NYAP2: variants seen among roughly 807,000 people sequenced by gnomAD.
NYAP2 encodes the protein neuronal tyrosine-phosphorylated phosphoinositide-3-kinase adapter 2.
In NYAP2, 23 loss-of-function variants were observed where a neutral mutation model predicts 50.4. The ratio of observed to expected loss-of-function variants is 0.46; its 90% CI spans 0.33 to 0.65. The LOEUF (loss-of-function observed/expected upper bound fraction) is 0.65, where lower values mean the gene tolerates loss of function less well. Among genes scored for constraint, NYAP2 ranks in the 30% least tolerant of loss-of-function variants. The pLI is 0.02. For synonymous variants in NYAP2, 394 were observed against 365.2 expected, an observed-to-expected ratio of 1.08 and a Z score of -0.90; for missense variants, 885 against 861.0, an observed-to-expected ratio of 1.03 and a Z score of -0.35.
At chr2:225,588,155 A>G (rs1692420888) in intron 5 of NYAP2, among the ~76,000 whole-genome samples, 1 of 152,088 alleles carries the variant, frequency 6.6e-6, no homozygotes, top group South Asian at 2.1e-4. Context: ...CGAACTCCTG[A>G]CCTCAGGTTA....
At chr2:225,546,609 A>G (rs955973828) in intron 4 of NYAP2, among the ~76,000 whole-genome samples, 1 of 152,026 alleles carries the variant, frequency 6.6e-6, no homozygotes, top group African/African-American at 2.4e-5. Flanking sequence ...GGCCCAGGGT[A>G]AGTCCAGAAA....
intron 4 of NYAP2, among the ~76,000 whole-genome samples, chr2:225,558,488 G>T (rs2106214124): frequency 6.6e-6 from 1 of 152,220 alleles, no homozygotes; most frequent in South Asian, 2.1e-4. Flanking sequence ...AGCAGCGACT[G>T]GTCACATTCT....
At chr2:225,486,801 C>T (rs1376921241) in intron 3 of NYAP2, among the ~76,000 whole-genome samples, 1 of 152,176 alleles carries the variant, frequency 6.6e-6, no homozygotes, top group South Asian at 2.1e-4. Flanking sequence ...CCTGGGCCCT[C>T]CCCTTTGGGA....
intron 3 of NYAP2, among the ~76,000 whole-genome samples, chr2:225,512,853 C>CT (rs1187395195): frequency 8.7e-5 from 5 of 57,566 alleles, no homozygotes; most frequent in Admixed American, 2.1e-4. Context: ...TTCTTTCTTT[C>CT]TTCCTTCCTT....
chr2:225,476,214 C>A (rs1282580694), intron 3 of NYAP2, among the ~76,000 whole-genome samples: 1 of 152,086 alleles, frequency 6.6e-6, no homozygotes, highest in African/African-American at 2.4e-5. Flanking sequence ...GAGATGGAGA[C>A]CATCCTGGCT....
chr2:225,518,303 G>A (rs189786937), intron 4 of NYAP2, among the ~76,000 whole-genome samples: 208 of 151,688 alleles, frequency 1.4e-3, no homozygotes, highest in African/African-American at 4.7e-3. Context: ...GTGTAAAAAA[G>A]TTAATCCTGT....
chr2:225,626,540 G>C (rs886963385), intron 5 of NYAP2, among the ~76,000 whole-genome samples: 1 of 152,204 alleles, frequency 6.6e-6, no homozygotes. Flanking sequence ...AAGGCACTAG[G>C]TGATGTTATC....
chr2:225,587,097 T>C (rs1248949998), intron 5 of NYAP2, among the ~76,000 whole-genome samples: 1 of 152,142 alleles, frequency 6.6e-6, no homozygotes, highest in Admixed American at 6.5e-5. Flanking sequence ...AAGAACAGCA[T>C]GGGGAAAACC....
At chr2:225,419,552 CCTTAT>C (rs1695183142) in intron 3 of NYAP2, among the ~76,000 whole-genome samples, 1 of 152,068 alleles carries the variant, frequency 6.6e-6, no homozygotes, top group Admixed American at 6.6e-5. Flanking sequence ...ATAATGAGTC[CCTTAT>C]CTTAAAGTCG....
chr2:225,695,058 A>AATTTTT, the NYAP2 span, among the ~76,000 whole-genome samples: 3 of 151,828 alleles, frequency 2.0e-5, no homozygotes, highest in Non-Finnish European at 4.4e-5. Flanking sequence ...CAAGCTTTAT[A>AATTTTT]ATTTTTATTC....
intron 4 of NYAP2, among the ~76,000 whole-genome samples, chr2:225,566,514 A>G (rs1691965978): frequency 6.6e-6 from 1 of 152,216 alleles, no homozygotes; most frequent in Non-Finnish European, 1.5e-5. Flanking sequence ...ACTTTTCTTT[A>G]AGATAATATC....
chr2:225,418,605 A>G (rs1385078311), intron 3 of NYAP2, among the ~76,000 whole-genome samples: 1 of 152,146 alleles, frequency 6.6e-6, no homozygotes, highest in Non-Finnish European at 1.5e-5. Flanking sequence ...TGAGATGGGG[A>G]AGATGGCAGA....
At chr2:225,544,356 T>C (rs1691531522) in intron 4 of NYAP2, among the ~76,000 whole-genome samples, 1 of 151,978 alleles carries the variant, frequency 6.6e-6, no homozygotes, top group African/African-American at 2.4e-5. Context: ...TCTTTCTTCC[T>C]GTCTTCCTTT....
intron 3 of NYAP2, among the ~76,000 whole-genome samples, chr2:225,495,055 T>C (rs1025422447): frequency 4.6e-5 from 7 of 152,202 alleles, no homozygotes; most frequent in African/African-American, 1.7e-4. Context: ...ACTTTATGCA[T>C]AAAGTTTACA....
At chr2:225,519,306 T>C (rs1691003318) in intron 4 of NYAP2, among the ~76,000 whole-genome samples, 1 of 151,942 alleles carries the variant, frequency 6.6e-6, no homozygotes, top group Non-Finnish European at 1.5e-5. Context: ...AGTTTTAGGG[T>C]ACATGCGCAC....
At chr2:225,642,675 C>T (rs1052325991) in intron 6 of NYAP2, among the ~76,000 whole-genome samples, 2 of 152,150 alleles carry the variant, frequency 1.3e-5, no homozygotes, top group African/African-American at 4.8e-5. Context: ...ATTGGACAGA[C>T]TTGATTCATG....
chr2:225,518,253 A>C (rs1295233985), intron 4 of NYAP2, among the ~76,000 whole-genome samples: 3 of 151,826 alleles, frequency 2.0e-5, no homozygotes, highest in African/African-American at 7.2e-5. Flanking sequence ...GAAATTAGCT[A>C]AGCACAGAAA....
chr2:225,587,422 A>G (rs1408153299), intron 5 of NYAP2, among the ~76,000 whole-genome samples: 4 of 152,182 alleles, frequency 2.6e-5, no homozygotes, highest in South Asian at 2.1e-4. Flanking sequence ...AGGCACTAAG[A>G]TACAAAAGAC....
At chr2:225,518,552 ATATATATATATAT>A (rs1327882800) in intron 4 of NYAP2, among the ~76,000 whole-genome samples, 3,246 of 81,588 alleles carry the variant, frequency 0.04, 545 homozygotes, top group African/African-American at 0.13. Context: ...ATATATATAT[ATATATATATATAT>A]ATATTAGCGT....
Sources: allele counts gnomAD v4.1 joint callset (sites outside exome capture counted in the v4.1 genomes callset), GRCh38; gene constraint gnomAD v4.1.1; transcripts MANE v1.5; gene names NCBI Gene and HGNC (gene_info 2026-07-23, HGNC 2026-07-21).